The following EFR3B variants were observed in gnomAD, a reference collection of about 807,000 sequenced individuals.
The protein encoded by EFR3B is EFR3 homolog B, also known as protein EFR3 homolog B.
In EFR3B, 64 loss-of-function variants were observed where a neutral mutation model predicts 104.7. The observed-to-expected ratio is 0.61, with a 90% CI of 0.50 to 0.75. The LOEUF is 0.75. Among genes scored for constraint, EFR3B ranks in the 30% least tolerant of loss-of-function variants. The pLI is 0.00. For synonymous variants in EFR3B, 385 were observed against 417.9 expected (o/e 0.92, Z 0.96); for missense variants, 750 against 1,078.5 (o/e 0.70, Z 4.27).
intron 1 of EFR3B, among the ~76,000 whole-genome samples, chr2:25,088,918 C>T (rs1013527424): frequency 4.6e-5 from 7 of 152,182 alleles, no homozygotes; most frequent in African/African-American, 1.7e-4. Context: ...TTCTTTAGGC[C>T]TTCTTACCTC....
chr2:25,132,892 A>G lies in EFR3B; in HGVS notation c.1148-11A>G. On this transcript the variant is annotated splice_polypyrimidine_tract_variant and intron_variant, in intron 10 of 22. Coordinates refer to ENST00000403714, the MANE Select transcript of EFR3B (RefSeq NM_014971.2). ...TGCCTCACTGGGCACCCTCTCCGCC[A>G]CCTCCTGCAGGCTCCTTTGCCAGCA... 6.5e-7 allele frequency: 1 copy of G among 1,549,384 alleles called. No homozygotes were observed.
rs934821384 is a variant in EFR3B at position 25,136,516 on chromosome 2, T to G, written c.1485-7T>G. The G allele has an allele frequency of 1.3e-6, 2 of 1,551,270 alleles. No homozygotes were observed. The highest frequency in any genetic ancestry group is 1.7e-6 in the Non-Finnish European group (2 of 1,146,756). ...GGGCTAAGGAGGCCCTTTGCATCCC[T>G]TCCCAGTACCCTCAGTGACATCTCT... On this transcript the variant is annotated splice_polypyrimidine_tract_variant and splice_region_variant and intron_variant, in intron 13 of 22. Transcript: ENST00000403714. This position sits in a 1 kb window ranked among gnomAD's most constrained non-coding sequence, Gnocchi z 4.0.
At chr2:25,124,331 TGA>T (rs1491413192) in intron 5 of EFR3B, among the ~76,000 whole-genome samples, 14 of 131,494 alleles carry the variant, frequency 1.1e-4, no homozygotes, top group African/African-American at 4.2e-4. Flanking sequence ...TGTGTGTGTG[TGA>T]TTCCTCAGGG....
At chr2:25,128,112 T>G (rs756849498) in intron 5 of EFR3B, 71 bp from the exon 6 acceptor site, 1 of 1,525,688 alleles carries the variant, frequency 6.6e-7, no homozygotes, top group African/African-American at 1.4e-5. Flanking sequence ...TGTGCTCTTC[T>G]CTTAGCCACC....
In EFR3B at chr2:25,144,961, T is replaced by C. The variant is rs1463603511; in HGVS notation, c.2052T>C (p.Asp684=). The C allele has an allele frequency of 6.4e-7, 1 of 1,551,686 alleles. No individual in the cohort carries two copies. ...GCCTCTGGGCTGCTTCTTCCCCAGA[T>C]GAGGATCGTTTATCCAAGAGGAGGA... ...LCLPYIPQLT[D]EDRLSKRRSI... Residue 684 remains aspartate (D), a splice_region_variant and synonymous_variant, in exon 19 of 23, where the codon GAT becomes GAC. Coordinates refer to ENST00000403714, the MANE Select transcript of EFR3B (RefSeq NM_014971.2).
At chr2:25,059,114 ATTT>A (rs70947864) in intron 1 of EFR3B, among the ~76,000 whole-genome samples, 47 of 142,076 alleles carry the variant, frequency 3.3e-4, no homozygotes, top group Non-Finnish European at 5.2e-4. Flanking sequence ...TTCAGTGTTG[ATTT>A]TTTTTTTTTT....
At chr2:25,110,819 C>T (rs188940765) in intron 4 of EFR3B, among the ~76,000 whole-genome samples, 3 of 152,330 alleles carry the variant, frequency 2.0e-5, no homozygotes, top group East Asian at 1.9e-4. Flanking sequence ...AATTTTCCCC[C>T]GTTGTCTGCA....
chr2:25,130,404 CT>C lies in EFR3B; in HGVS notation c.771-147del. ...GCCTCTCTCCAGCACTGGACTGGGACTACCCCAAGGCCCTTCAGGCTTCACT... is the reference window on the plus strand; with the variant it reads ...GCCTCTCTCCAGCACTGGACTGGGACACCCCAAGGCCCTTCAGGCTTCACT... On this transcript the variant is annotated intron_variant, in intron 7 of 22. Transcript: ENST00000403714. This position sits in a 1 kb window ranked among gnomAD's most constrained non-coding sequence, Gnocchi z 4.6. 1.2e-6 allele frequency: 1 copy of C among 804,648 alleles called. No individual in the cohort carries two copies. Among genetic ancestry groups the C allele is most frequent in the Non-Finnish European group, 2.1e-6 (1 of 483,416 alleles). 49.8% of individuals were successfully genotyped at this position (804,648 alleles called of 1,614,324 possible).
At chr2:25,118,309 G>A (rs1669918741) in intron 4 of EFR3B, among the ~76,000 whole-genome samples, 1 of 152,190 alleles carries the variant, frequency 6.6e-6, no homozygotes, top group Non-Finnish European at 1.5e-5. Context: ...TTGCACATAT[G>A]AGTGAGATCA....
In EFR3B at chr2:25,110,781, AAT is replaced by A. The variant is rs143815204; in HGVS notation, c.363+6997_363+6998del. ...AACAGTCATTCCCTGATCTTATTTT[AAT>A]ATGTCGTCTAAATCCAGATTTCCCT... On this transcript the variant is annotated intron_variant, in intron 4 of 22. Coordinates refer to ENST00000403714, the MANE Select transcript of EFR3B (RefSeq NM_014971.2). Among the ~76,000 whole-genome samples the A allele has an allele frequency of 3.3e-5, 5 of 152,330 alleles. No individual in the cohort carries two copies. In the East Asian group the frequency reaches 9.6e-4, roughly 29 times the overall value.
In EFR3B at chr2:25,135,486, GCAA is replaced by G; in HGVS notation, c.1337_1339del (p.Asn446del). 6.4e-7 allele frequency: 1 copy of G among 1,551,714 alleles called. No individual in the cohort carries two copies. The highest frequency in any genetic ancestry group is 8.7e-7 in the Non-Finnish European group (1 of 1,147,002). On this transcript the variant is annotated inframe_deletion, in exon 13 of 23. Coordinates refer to ENST00000403714, the MANE Select transcript of EFR3B (RefSeq NM_014971.2). ...TTGCAGGTATCCACAGGTTTCCAGTGCAACAACATGATGTCAGCCCTGCCTAGC... is the reference window on the plus strand; with the variant it reads ...TTGCAGGTATCCACAGGTTTCCAGTGCAACATGATGTCAGCCCTGCCTAGC...
At chr2:25,153,678 C>T (rs1272476226) in intron 21 of EFR3B, 34 bp from the exon 22 acceptor site, 1 of 1,551,008 alleles carries the variant, frequency 6.4e-7, no homozygotes, top group African/African-American at 1.4e-5. Flanking sequence ...GACCCCCCAC[C>T]CCTGCCAGCT....
rs1234002606 is a variant in EFR3B, at chr2:25,128,179, A to T, written c.486-4A>T. The T allele has an allele frequency of 3.2e-6, 5 of 1,551,440 alleles. No homozygotes were observed. The highest frequency in any genetic ancestry group is 4.4e-6 in the Non-Finnish European group (5 of 1,146,958). The stretch of plus-strand genomic sequence containing the variant: ...CGAGTCCCACTTCACCCTTTTCCTT[A>T]CAGAATTCGAATGTCAGGCATCAAA... On this transcript the variant is annotated splice_polypyrimidine_tract_variant and splice_region_variant and intron_variant, in intron 5 of 22. Coordinates refer to ENST00000403714, the MANE Select transcript of EFR3B (RefSeq NM_014971.2).
At chr2:25,044,318 A>G (rs1484217923) in intron 1 of EFR3B, among the ~76,000 whole-genome samples, 1 of 152,174 alleles carries the variant, frequency 6.6e-6, no homozygotes, top group Non-Finnish European at 1.5e-5. Flanking sequence ...CCCCCTGGTG[A>G]GGACTCAACT....
chr2:25,045,960 G>A (rs528133195), intron 1 of EFR3B, among the ~76,000 whole-genome samples: 6 of 152,234 alleles, frequency 3.9e-5, no homozygotes, highest in Admixed American at 2.0e-4. Context: ...TGTGCACCCC[G>A]ATCCCACTAA....
chr2:25,045,084 G>A (rs901174533), intron 1 of EFR3B, among the ~76,000 whole-genome samples: 2 of 152,174 alleles, frequency 1.3e-5, no homozygotes, highest in Admixed American at 6.5e-5. Context: ...GAGGTTCCGA[G>A]CTCCTGAAAC....
At chr2:25,085,266 T>G (rs1331700587) in intron 1 of EFR3B, among the ~76,000 whole-genome samples, 2 of 152,220 alleles carry the variant, frequency 1.3e-5, no homozygotes, top group African/African-American at 4.8e-5. Context: ...AAAGGTCAGA[T>G]GACAGAATTG....
intron 1 of EFR3B, 73 bp from the exon 2 acceptor site, chr2:25,091,252 C>A: frequency 1.4e-6 from 2 of 1,448,370 alleles, no homozygotes; most frequent in South Asian, 1.2e-5. Flanking sequence ...ACAGGCTGCC[C>A]TGGCCCTGGC....
chr2:25,139,455 T>G (rs1670603706), intron 16 of EFR3B, among the ~76,000 whole-genome samples: 1 of 152,058 alleles, frequency 6.6e-6, no homozygotes, highest in Non-Finnish European at 1.5e-5. Context: ...TTCCTGCCCC[T>G]CTGTCTTTCC....
Sources: gnomAD v4.1 joint callset for allele counts (sites outside exome capture counted in the v4.1 genomes callset) on GRCh38, gnomAD v4.1.1 for gene constraint, Gnocchi (gnomAD v3.1) non-coding constraint, MANE v1.5 for transcripts, NCBI Gene and HGNC (gene_info 2026-07-23, HGNC 2026-07-21) for gene names.